MARK3: variants seen among roughly 807,000 people sequenced by gnomAD.
MARK3 encodes microtubule affinity regulating kinase 3, also known as MAP/microtubule affinity-regulating kinase 3.
A neutral mutation model predicts 90.1 loss-of-function variants in MARK3; 46 were observed. The observed-to-expected ratio is 0.51, with a 90% CI of 0.40 to 0.65. MARK3 has a LOEUF of 0.65. Ranked by LOEUF, MARK3 falls within the 30% of genes least tolerant of loss-of-function variation. The pLI is 0.00. For synonymous variants in MARK3, 321 were observed against 332.6 expected, an observed-to-expected ratio of 0.97 and a Z score of 0.38; for missense variants, 818 against 947.2, an observed-to-expected ratio of 0.86 and a Z score of 1.79.
rs117622588 is a variant in MARK3, at chr14:103,461,698, T to A, written c.484-707T>A. On this transcript the variant is annotated intron_variant, in intron 6 of 17. Transcript: ENST00000429436. ...GGATTAACACCTGGGTATGGGCAAC[T>A]CTCTAACCGCTGGTTTGGTTTGGAG... is the stretch of plus-strand genomic sequence containing the variant. Among the ~76,000 whole-genome samples, 317 of 152,224 alleles carry A rather than the reference T, an allele frequency of 2.1e-3. 6 individuals are homozygous for A. The East Asian group carries it at 0.051, about 25-fold the overall frequency.
intron 3 of MARK3, among the ~76,000 whole-genome samples, chr14:103,433,580 T>C (rs2092644248): frequency 6.6e-6 from 1 of 151,904 alleles, no homozygotes; most frequent in Admixed American, 6.6e-5. Flanking sequence ...AGCTACCCAG[T>C]AGGCTGAGGC....
At chr14:103,457,072 A>G (rs2093292967) in intron 5 of MARK3, 70 bp from the exon 6 acceptor site, 1 of 920,492 alleles carries the variant, frequency 1.1e-6, no homozygotes, top group Non-Finnish European at 1.7e-6. Flanking sequence ...TAAAAGTGAA[A>G]CATCAATTTA....
At position 103,491,899 on chromosome 14, in the gene MARK3, G is replaced by A. The variant is rs1001396009; in HGVS notation, c.1709G>A (p.Arg570Gln). 32 of 1,613,980 alleles carry A rather than the reference G, an allele frequency of 2.0e-5. No individual in the cohort carries two copies. The highest frequency in any genetic ancestry group is 1.1e-4 in the African/African-American group (8 of 74,900). The change falls in exon 15 of 18, where the codon CGG becomes CAG. Residue 570 changes from arginine (R) to glutamine (Q), a missense_variant. Physicochemically the swap from Arg to Gln is conservative, Grantham distance 43 (BLOSUM62 1). Transcript: ENST00000429436. ...CGTAGCACTTTCCACGGCCAGCCCC[G>A]GGAACGGCGAACCGCAACATATAAT... Reference protein sequence around the residue: ...ASRSTFHGQPRERRTATYNGP... With the variant: ...ASRSTFHGQPQERRTATYNGP...
At chr14:103,480,351 CAAAT>C in intron 13 of MARK3, 32 bp from the exon 14 acceptor site, 1 of 1,264,084 alleles carries the variant, frequency 7.9e-7, no homozygotes, top group Non-Finnish European at 1.2e-6. Context: ...CTGTATTTAC[CAAAT>C]AAATTTAAGA....
chr14:103,403,083 C>T (rs969603726), intron 1 of MARK3, among the ~76,000 whole-genome samples: 1 of 135,226 alleles, frequency 7.4e-6, no homozygotes, highest in Non-Finnish European at 1.6e-5. Context: ...TAGTTGAGTA[C>T]GAATAGGATG....
intron 4 of MARK3, 34 bp from the exon 5 acceptor site, chr14:103,451,883 TC>T (rs975546885): frequency 1.3e-6 from 2 of 1,506,006 alleles, no homozygotes; most frequent in Admixed American, 1.8e-5. Context: ...CAGACATTTG[TC>T]TCTTTTTCTT....
intron 3 of MARK3, among the ~76,000 whole-genome samples, chr14:103,440,357 T>A (rs1477944010): frequency 6.6e-6 from 1 of 152,240 alleles, no homozygotes; most frequent in Non-Finnish European, 1.5e-5. Flanking sequence ...TGTCTGCACA[T>A]CCTCCTTCTT....
In MARK3 at chr14:103,414,464, C is replaced by A. The variant is rs146325389; in HGVS notation, c.243+9197C>A. Among the ~76,000 whole-genome samples, 15 of 152,100 alleles carry A rather than the reference C, an allele frequency of 9.9e-5. No homozygotes were observed. In the East Asian group the frequency reaches 2.7e-3, roughly 27 times the overall value. ...AGATGATCCGCCCGCCTTGGCCTCC[C>A]CAGGTGCTGGGATTACAGGCATGAG... On this transcript the variant is annotated intron_variant, in intron 2 of 17. Transcript: ENST00000429436.
intron 2 of MARK3, among the ~76,000 whole-genome samples, chr14:103,418,894 C>T (rs927696190): frequency 1.3e-5 from 2 of 152,112 alleles, no homozygotes; most frequent in African/African-American, 2.4e-5. Context: ...CAGTTTTCTA[C>T]GTTGCCACTA....
chr14:103,433,088 C>CTTTTTTTTTTTTTT (rs371171878), intron 3 of MARK3, among the ~76,000 whole-genome samples: 1 of 116,020 alleles, frequency 8.6e-6, no homozygotes, highest in Non-Finnish European at 1.9e-5. Flanking sequence ...CTTTTCTTTT[C>CTTTTTTTTTTTTTT]TTTTCTTTTT....
intron 15 of MARK3, among the ~76,000 whole-genome samples, chr14:103,496,786 C>T (rs1339838647): frequency 2.0e-5 from 3 of 152,066 alleles, no homozygotes; most frequent in Non-Finnish European, 4.4e-5. Flanking sequence ...GCCAGTAATC[C>T]TGACACTTTG....
chr14:103,428,475 A>T (rs1295979123), intron 3 of MARK3, 35 bp downstream of exon 3: 27 of 1,256,596 alleles, frequency 2.1e-5, no homozygotes, highest in Non-Finnish European at 2.9e-5. Context: ...CTTTTTAAAA[A>T]ATTATCGGTG....
chr14:103,388,683 CCT>C (rs2089995456), intron 1 of MARK3, among the ~76,000 whole-genome samples: 1 of 152,278 alleles, frequency 6.6e-6, no homozygotes, highest in African/African-American at 2.4e-5. Context: ...GTGCCCTCTC[CCT>C]TTCTTAGCCC....
chr14:103,401,082 T>C (rs1482030080), intron 1 of MARK3, among the ~76,000 whole-genome samples: 2 of 151,944 alleles, frequency 1.3e-5, no homozygotes, highest in Non-Finnish European at 2.9e-5. Context: ...AAATGTTTAA[T>C]GTTGGTACTG....
Position 103,449,193 on chromosome 14 carries a change from GATT to G in MARK3, c.346+229_346+231del, listed in dbSNP as rs1566862677. On this transcript the variant is annotated intron_variant, in intron 4 of 17. Transcript: ENST00000429436. Reference sequence around the variant, plus strand: ...AATCTGGTAGAAACATCTGTACTCTGATTATAATTTTCTAATTTTTAAGTATAT... The same window carrying G: ...AATCTGGTAGAAACATCTGTACTCTGATAATTTTCTAATTTTTAAGTATAT... 2.6e-5 allele frequency among the ~76,000 whole-genome samples: 4 copies of G among 151,568 alleles called. No individual in the cohort carries two copies. In the South Asian group the frequency reaches 8.3e-4, roughly 31 times the overall value.
chr14:103,479,333 G>A (rs2093775856), intron 13 of MARK3, among the ~76,000 whole-genome samples: 1 of 152,066 alleles, frequency 6.6e-6, no homozygotes, highest in African/African-American at 2.4e-5. Flanking sequence ...GCACCTGGCT[G>A]TGTTTTCATT....
chr14:103,405,321 TG>T, intron 2 of MARK3, 54 bp downstream of exon 2: 1 of 1,343,102 alleles, frequency 7.4e-7, no homozygotes, highest in Non-Finnish European at 1.0e-6. Flanking sequence ...TTTATTTCCA[TG>T]TAAGAGAAAG....
intron 3 of MARK3, among the ~76,000 whole-genome samples, chr14:103,447,439 T>C (rs1456670671): frequency 6.6e-6 from 1 of 152,252 alleles, no homozygotes; most frequent in Non-Finnish European, 1.5e-5. Context: ...CCTTTCCACA[T>C]AGGCCGCTGC....
chr14:103,405,252 C>A lies in MARK3; in HGVS notation c.228C>A (p.Ile76=), dbSNP rs1400775136. The change falls in exon 2 of 18, where the codon ATC becomes ATA. Residue 76 remains isoleucine, a synonymous_variant. Coordinates refer to ENST00000429436, the MANE Select transcript of MARK3 (RefSeq NM_001128918.3). ...CAAAAGTAAAATTGGCAAGACATAT[C>A]CTTACAGGCAGAGAGGTAAATACCA... ...NFAKVKLARH[I]LTGREVAIKI... is the part of the protein sequence containing the mutation. The A allele has an allele frequency of 1.3e-6, 2 of 1,544,448 alleles. No homozygotes were observed. Among genetic ancestry groups the A allele is most frequent in the Non-Finnish European group, 8.7e-7 (1 of 1,148,108 alleles).
Sources: gnomAD v4.1 joint callset for allele counts (sites outside exome capture counted in the v4.1 genomes callset) on GRCh38, gnomAD v4.1.1 for gene constraint, MANE v1.5 for transcripts, NCBI Gene and HGNC (gene_info 2026-07-23, HGNC 2026-07-21) for gene names.